ATP2B2: variants seen among roughly 807,000 people sequenced by gnomAD.
ATP2B2 encodes the protein plasma membrane calcium-transporting ATPase 2.
Under a neutral mutation model 120.0 loss-of-function variants are expected in ATP2B2, and 15 were observed. The observed-to-expected ratio is 0.12, with a 90% CI of 0.08 to 0.19. The LOEUF (loss-of-function observed/expected upper bound fraction) is 0.19, where lower values mean the gene tolerates loss of function less well. ATP2B2 is among the 10% of genes least tolerant of loss of function. ATP2B2 has a pLI of 1.00. For missense variants in ATP2B2, 1,045 were observed against 1,719.8 expected (o/e 0.61, Z 6.94); for synonymous variants, 694 against 700.3 (o/e 0.99, Z 0.14).
intron 2 of ATP2B2, among the ~76,000 whole-genome samples, chr3:10,573,774 A>G (rs1162379431): frequency 6.6e-6 from 1 of 152,172 alleles, no homozygotes; most frequent in Non-Finnish European, 1.5e-5. Context: ...GCCCCATTCT[A>G]TACAAACTGT....
At chr3:10,658,639 G>T (rs1036420174) in intron 1 of ATP2B2, among the ~76,000 whole-genome samples, 1 of 152,064 alleles carries the variant, frequency 6.6e-6, no homozygotes, top group African/African-American at 2.4e-5. Flanking sequence ...GAAAGTGAGG[G>T]GGAGAATGGA....
At chr3:10,453,364 CAA>C (rs2064133983) in intron 1 of ATP2B2, among the ~76,000 whole-genome samples, 1 of 152,168 alleles carries the variant, frequency 6.6e-6, no homozygotes, top group Non-Finnish European at 1.5e-5. Flanking sequence ...TTATTATTGT[CAA>C]TCCATAAAAG....
intron 1 of ATP2B2, among the ~76,000 whole-genome samples, chr3:10,698,966 G>A (rs559824426): frequency 1.3e-5 from 2 of 152,274 alleles, no homozygotes; most frequent in Admixed American, 1.3e-4. Context: ...TCACCTGTGG[G>A]ATGGTCTTCT....
chr3:10,384,658 G>T (rs1347050765), intron 8 of ATP2B2, among the ~76,000 whole-genome samples: 1 of 152,022 alleles, frequency 6.6e-6, no homozygotes, highest in Non-Finnish European at 1.5e-5. Flanking sequence ...ACAGGCAACA[G>T]CAAGAAACAC....
chr3:10,502,144 G>A (rs971392395), intron 1 of ATP2B2, among the ~76,000 whole-genome samples: 1 of 152,182 alleles, frequency 6.6e-6, no homozygotes, highest in African/African-American at 2.4e-5. Flanking sequence ...CCTCCGATCT[G>A]CAAACTAGAG....
At chr3:10,497,579 T>C (rs2066204233) in intron 1 of ATP2B2, among the ~76,000 whole-genome samples, 2 of 152,350 alleles carry the variant, frequency 1.3e-5, no homozygotes, top group South Asian at 4.1e-4. Context: ...AACAATCCTA[T>C]GAATTGGACA....
At chr3:10,666,476 C>T (rs2070940309) in intron 1 of ATP2B2, among the ~76,000 whole-genome samples, 1 of 152,240 alleles carries the variant, frequency 6.6e-6, no homozygotes, top group Non-Finnish European at 1.5e-5. Context: ...TCATTGTACT[C>T]TCCACACCCC....
intron 12 of ATP2B2, among the ~76,000 whole-genome samples, chr3:10,366,543 C>T (rs1362497068): frequency 3.3e-5 from 5 of 152,188 alleles, no homozygotes; most frequent in Admixed American, 1.3e-4. Context: ...AGTTCAGCTC[C>T]GCAAGTGCCC....
At chr3:10,575,081 G>C (rs75829863) in intron 2 of ATP2B2, among the ~76,000 whole-genome samples, 1 of 152,146 alleles carries the variant, frequency 6.6e-6, no homozygotes, top group African/African-American at 2.4e-5. Flanking sequence ...CCCCGCTGCC[G>C]ACTGCTCAGT....
At chr3:10,590,022 T>C (rs1392152184) in intron 2 of ATP2B2, among the ~76,000 whole-genome samples, 3 of 152,188 alleles carry the variant, frequency 2.0e-5, no homozygotes, top group African/African-American at 4.8e-5. Context: ...ACAATCCTAA[T>C]GTCTCTCAAT....
At chr3:10,629,397 G>C (rs532435836) in intron 1 of ATP2B2, among the ~76,000 whole-genome samples, 3 of 152,220 alleles carry the variant, frequency 2.0e-5, no homozygotes, top group African/African-American at 7.2e-5. Context: ...ATTTTAAGGA[G>C]GAGGCAAACT....
intron 1 of ATP2B2, among the ~76,000 whole-genome samples, chr3:10,638,905 T>C (rs7631749): frequency 0.2 from 30,960 of 152,196 alleles, 5,884 homozygotes; most frequent in African/African-American, 0.49. Context: ...AAAGTGGAGA[T>C]AGCAATCCTA....
At chr3:10,508,280 A>T (rs1393436551), upstream of ATP2B2, among the ~76,000 whole-genome samples, 2 of 152,090 alleles carry the variant, frequency 1.3e-5, no homozygotes, top group Non-Finnish European at 2.9e-5. Context: ...GGCCCACCCT[A>T]CTCATTCTTC....
Position 10,343,583 on chromosome 3 carries a change from G to C in ATP2B2, c.2704-618C>G, listed in dbSNP as rs1236672292. Among the ~76,000 whole-genome samples, 1 of 152,102 alleles carries C rather than the reference G, an allele frequency of 6.6e-6. No homozygotes were observed. The highest frequency in any genetic ancestry group is 1.5e-5 in the Non-Finnish European group (1 of 68,020). On this transcript the variant is annotated intron_variant, in intron 18 of 22. Coordinates refer to ENST00000360273, the MANE Select transcript of ATP2B2 (RefSeq NM_001001331.4). The surrounding 1 kb of genome is among the most constrained non-coding windows in gnomAD (Gnocchi z 4.2). Reference sequence around the variant, plus strand: ...TCACCACTGTCCAGGTTCTGGGAGGGACCCTTTCAGACCTGTCTCTTTGGC... The same window carrying C: ...TCACCACTGTCCAGGTTCTGGGAGGCACCCTTTCAGACCTGTCTCTTTGGC...
In ATP2B2 at chr3:10,383,303, G is replaced by C. The variant is rs116265662; in HGVS notation, c.1000+1965C>G. Reference sequence around the variant, plus strand: ...AATTCCACAGGATTCAGCCAGGAAAGGTCTTGCAGTCAAATCAGCCTAGGA... The same window carrying C: ...AATTCCACAGGATTCAGCCAGGAAACGTCTTGCAGTCAAATCAGCCTAGGA... On this transcript the variant is annotated intron_variant, in intron 8 of 22. Transcript: ENST00000360273. Among the ~76,000 whole-genome samples the C allele has an allele frequency of 3.7e-3, 559 of 152,198 alleles. 5 individuals are homozygous for C. Among genetic ancestry groups the C allele is most frequent in the African/African-American group, 0.013 (527 of 41,518 alleles).
chr3:10,434,704 A>G (rs968417242), intron 2 of ATP2B2, among the ~76,000 whole-genome samples: 1 of 152,218 alleles, frequency 6.6e-6, no homozygotes, highest in Non-Finnish European at 1.5e-5. Flanking sequence ...AGGCCCTGTC[A>G]AGTAGCTCCA....
chr3:10,646,291 T>C (rs73035799), intron 1 of ATP2B2, among the ~76,000 whole-genome samples: 5,991 of 152,216 alleles, frequency 0.039, 159 homozygotes, highest in Non-Finnish European at 0.062. Context: ...ATGATGATGC[T>C]GGCACCTGCA....
chr3:10,448,684 C>T (rs1219155244), intron 2 of ATP2B2, among the ~76,000 whole-genome samples: 1 of 152,230 alleles, frequency 6.6e-6, no homozygotes. Context: ...CCTATCACAT[C>T]CATCTTCCTA....
chr3:10,529,771 A>C (rs1362819276), intron 3 of ATP2B2, among the ~76,000 whole-genome samples: 4 of 152,222 alleles, frequency 2.6e-5, no homozygotes, highest in Non-Finnish European at 5.9e-5. Context: ...TGATCAAGTT[A>C]AAATGAGGCC....
Sources: allele counts gnomAD v4.1 joint callset (sites outside exome capture counted in the v4.1 genomes callset), GRCh38; gene constraint gnomAD v4.1.1; non-coding constraint Gnocchi (gnomAD v3.1); transcripts MANE v1.5; gene names NCBI Gene and HGNC (gene_info 2026-07-23, HGNC 2026-07-21).